TLN2: variants seen among roughly 807,000 people sequenced by gnomAD.
TLN2 encodes the protein talin-2.
TLN2 carries 118 observed loss-of-function variants against 294.7 expected under a neutral mutation model. That is an observed-to-expected ratio of 0.40 (90% CI 0.34 to 0.47). The LOEUF (loss-of-function observed/expected upper bound fraction) is 0.47. TLN2 is among the 20% of genes least tolerant of loss of function. The probability of loss-of-function intolerance (pLI) is 0.84; values close to 1 mark genes in which losing one functional copy is unlikely to be tolerated. For synonymous variants in TLN2, 1,431 were observed against 1,304.5 expected (o/e 1.10, Z -2.09); for missense variants, 3,083 against 3,282.2 (o/e 0.94, Z 1.48).
rs562958363 is a variant in TLN2, at chr15:62,719,710, T to G, written c.2878-57T>G. The stretch of plus-strand genomic sequence containing the variant: ...AGCGCACTTGGGTCATGGTCTAGCT[T>G]CTTTGGATGGTCCCACCATTCTAGC... On this transcript the variant is annotated intron_variant, in intron 24 of 58. Coordinates refer to ENST00000636159, the MANE Select transcript of TLN2 (RefSeq NM_015059.3). 3.8e-5 allele frequency: 54 copies of G among 1,411,892 alleles called. No individual in the cohort carries two copies. In the East Asian group the frequency reaches 1.3e-3, roughly 35 times the overall value. 87.5% of individuals were successfully genotyped at this position (1,411,892 alleles called of 1,614,324 possible). A position where few individuals can be genotyped will look rare whatever the true frequency, so the allele number is the denominator to read the frequency against.
intron 1 of TLN2, among the ~76,000 whole-genome samples, chr15:62,511,400 C>T (rs186911693): frequency 6.6e-6 from 1 of 152,216 alleles, no homozygotes; most frequent in Non-Finnish European, 1.5e-5. Flanking sequence ...GTGAAAATTT[C>T]TTTGAATTCT....
At chr15:62,476,014 G>T (rs2037764476) in intron 1 of TLN2, among the ~76,000 whole-genome samples, 1 of 152,186 alleles carries the variant, frequency 6.6e-6, no homozygotes, top group South Asian at 2.1e-4. Flanking sequence ...TTTCTCATCT[G>T]TGAAAAGAGG....
intron 32 of TLN2, among the ~76,000 whole-genome samples, chr15:62,742,245 C>T (rs1211210435): frequency 6.6e-6 from 1 of 152,044 alleles, no homozygotes; most frequent in Non-Finnish European, 1.5e-5. Flanking sequence ...AAGTGACCTC[C>T]CTTGATGGTG....
chr15:62,482,459 A>G (rs1306914398), intron 1 of TLN2, among the ~76,000 whole-genome samples: 2 of 151,940 alleles, frequency 1.3e-5, no homozygotes. Flanking sequence ...AAAATTAGCC[A>G]GGCATGGTGG....
chr15:62,511,335 C>T (rs2039923068), intron 1 of TLN2, among the ~76,000 whole-genome samples: 1 of 152,180 alleles, frequency 6.6e-6, no homozygotes, highest in Non-Finnish European at 1.5e-5. Context: ...CATGAAAATT[C>T]AACACCTGTC....
chr15:62,691,025 C>T (rs1416693952), intron 12 of TLN2, among the ~76,000 whole-genome samples: 17 of 21,286 alleles, frequency 8.0e-4, no homozygotes, highest in South Asian at 2.0e-3. Flanking sequence ...GGAGGGAGAC[C>T]GTGGGAGAGG....
intron 3 of TLN2, among the ~76,000 whole-genome samples, chr15:62,632,978 AAAC>A (rs2050051680): frequency 5.3e-5 from 8 of 152,232 alleles, no homozygotes; most frequent in Admixed American, 5.2e-4. Context: ...AAAATAAAAC[AAAC>A]AACAAACAAA....
At chr15:62,818,495 G>A (rs998808709) in intron 52 of TLN2, among the ~76,000 whole-genome samples, 10 of 152,220 alleles carry the variant, frequency 6.6e-5, no homozygotes, top group African/African-American at 2.4e-4. Flanking sequence ...GGATGAGTTT[G>A]AGAAGAAATC....
At chr15:62,596,780 C>A (rs2046562661) in intron 2 of TLN2, among the ~76,000 whole-genome samples, 1 of 151,922 alleles carries the variant, frequency 6.6e-6, no homozygotes, top group South Asian at 2.1e-4. Context: ...AATTTTAAGT[C>A]AAAGTATTGC....
In TLN2 at chr15:62,653,071, A is replaced by G. The variant is rs1187494088; in HGVS notation, c.365-91A>G. On this transcript the variant is annotated intron_variant, in intron 6 of 58. Transcript: ENST00000636159. ...AGGCCGTTTCTGGTTCTTTGCCACC[A>G]GGAGCTCCTTGGAATATCACAGGCC... The G allele has an allele frequency of 1.3e-5, 14 of 1,079,326 alleles. No homozygotes were observed. The South Asian group carries it at 1.7e-4, about 13-fold the overall frequency. 66.9% of individuals were successfully genotyped at this position (1,079,326 alleles called of 1,614,324 possible). A position where few individuals can be genotyped will look rare whatever the true frequency, so the allele number is the denominator to read the frequency against.
At position 62,716,386 on chromosome 15, in the gene TLN2, C is replaced by T; in HGVS notation, c.2690C>T (p.Ala897Val). 3 of 1,611,240 alleles carry T rather than the reference C, an allele frequency of 1.9e-6. No individual in the cohort carries two copies. The highest frequency in any genetic ancestry group is 2.5e-6 in the Non-Finnish European group (3 of 1,178,826). The change falls in exon 23 of 59, where the codon GCA (alanine) becomes GTA (valine). Residue 897 changes from alanine (A) to valine (V), a missense_variant. Ala to Val is a moderately conservative substitution (Grantham distance 64). Coordinates refer to ENST00000636159, the MANE Select transcript of TLN2 (RefSeq NM_015059.3). ...EDQQQRLREA[A>V]EGLRVATNAA... ...CAGCAGCAAAGGCTGAGAGAAGCTG[C>T]AGAAGGCCTCCGGGTAGCAACCAAC...
intron 16 of TLN2, among the ~76,000 whole-genome samples, chr15:62,700,890 A>G (rs1050535599): frequency 7.9e-5 from 12 of 152,216 alleles, no homozygotes; most frequent in African/African-American, 2.2e-4. Flanking sequence ...CATAATTAAC[A>G]TAAGACACAA....
intron 1 of TLN2, among the ~76,000 whole-genome samples, chr15:62,550,810 C>T (rs1429731638): frequency 6.6e-6 from 1 of 152,132 alleles, no homozygotes; most frequent in Non-Finnish European, 1.5e-5. Context: ...GACTAGAGGT[C>T]CCCAACCTTT....
chr15:62,521,548 T>C (rs2040458065), intron 1 of TLN2, among the ~76,000 whole-genome samples: 1 of 152,134 alleles, frequency 6.6e-6, no homozygotes, highest in Admixed American at 6.5e-5. Context: ...AAGCTTTGTC[T>C]AAAGACTTAA....
chr15:62,705,571 T>G (rs1172136732), intron 19 of TLN2, among the ~76,000 whole-genome samples: 1 of 152,216 alleles, frequency 6.6e-6, no homozygotes, highest in Non-Finnish European at 1.5e-5. Flanking sequence ...AGAACAATCA[T>G]GATTCTATGT....
chr15:62,585,892 C>T (rs1386263990), intron 1 of TLN2, among the ~76,000 whole-genome samples: 1 of 152,214 alleles, frequency 6.6e-6, no homozygotes, highest in African/African-American at 2.4e-5. Context: ...CTGTTTCCAT[C>T]ATGGCACCCC....
At position 62,668,323 on chromosome 15, in the gene TLN2, G is replaced by A. The variant is rs543419732; in HGVS notation, c.789-5504G>A. ...ACTATATATTATATGAAAACATCAC[G>A]TTGTATTCTTTGAATATATACAATA... is the stretch of plus-strand genomic sequence containing the variant. On this transcript the variant is annotated intron_variant, in intron 9 of 58. Coordinates refer to ENST00000636159, the MANE Select transcript of TLN2 (RefSeq NM_015059.3). Among the ~76,000 whole-genome samples, 265 of 152,226 alleles carry A rather than the reference G, an allele frequency of 1.7e-3. 2 individuals are homozygous for A. Among genetic ancestry groups the A allele is most frequent in the Middle Eastern group, 0.017 (5 of 294 alleles).
chr15:62,407,477 G>A (rs1010553642), intron 1 of TLN2, among the ~76,000 whole-genome samples: 1 of 152,042 alleles, frequency 6.6e-6, no homozygotes, highest in East Asian at 1.9e-4. Flanking sequence ...TGTTTCCCCC[G>A]GATATTTCAG....
intron 42 of TLN2, among the ~76,000 whole-genome samples, chr15:62,771,568 T>A (rs972129862): frequency 2.6e-5 from 4 of 152,234 alleles, no homozygotes; most frequent in Admixed American, 6.5e-5. Flanking sequence ...GGAACATTTC[T>A]TCAGCCTGTT....
Sources: gnomAD v4.1 joint callset for allele counts (sites outside exome capture counted in the v4.1 genomes callset) on GRCh38, gnomAD v4.1.1 for gene constraint, MANE v1.5 for transcripts, NCBI Gene and HGNC (gene_info 2026-07-23, HGNC 2026-07-21) for gene names.